Variants in ZNF282 observed in about 807,000 individuals in gnomAD.
The protein encoded by ZNF282 is zinc finger protein 282, also known as HTLV-I U5 repressive element-binding protein 1.
A neutral mutation model predicts 61.9 loss-of-function variants in ZNF282; 30 were observed. That is an observed-to-expected ratio of 0.48 (90% CI 0.36 to 0.66). The LOEUF is 0.66. Ranked by LOEUF, ZNF282 falls within the 30% of genes least tolerant of loss-of-function variation. ZNF282 has a pLI of 0.00. For missense variants in ZNF282, 788 were observed against 941.4 expected (o/e 0.84, Z 2.13); for synonymous variants, 396 against 405.0 (o/e 0.98, Z 0.27).
intron 4 of ZNF282, among the ~76,000 whole-genome samples, chr7:149,210,031 C>G (rs1336909408): frequency 6.6e-6 from 1 of 152,218 alleles, no homozygotes; most frequent in African/African-American, 2.4e-5. Flanking sequence ...CTGCTGACGA[C>G]AGTGAGACTG....
At chr7:149,206,270 A>G (rs1795989231) in intron 2 of ZNF282, among the ~76,000 whole-genome samples, 1 of 152,154 alleles carries the variant, frequency 6.6e-6, no homozygotes, top group Non-Finnish European at 1.5e-5. Context: ...TTTGCTGACA[A>G]AGAGGTAACT....
chr7:149,213,951 G>A (rs772089619), intron 7 of ZNF282, 137 bp downstream of exon 7: 2 of 607,350 alleles, frequency 3.3e-6, no homozygotes, highest in Non-Finnish European at 5.8e-6. Context: ...TCAAAGTTCT[G>A]CACCAAAGCA....
At position 149,195,722 on chromosome 7, in the gene ZNF282, G is replaced by A. The variant is rs765727270; in HGVS notation, c.133G>A (p.Gly45Arg). 1 of 1,543,564 alleles carries A rather than the reference G, an allele frequency of 6.5e-7. No individual in the cohort carries two copies. The highest frequency in any genetic ancestry group is 1.2e-5 in the South Asian group (1 of 84,294). ...CTGCCACCAGGAGCCGGCGCTGCGC[G>A]GGGAAATGGCCGAGGGAATGCCGCC... ...EVCHQEPALRGEMAEGMPPMQ... is the reference protein window; with the variant it reads ...EVCHQEPALRREMAEGMPPMQ... Residue 45 changes from glycine (G) to arginine (R), a missense_variant, in exon 1 of 8, where the codon GGG becomes AGG. Coordinates refer to ENST00000610704, the MANE Select transcript of ZNF282 (RefSeq NM_003575.4).
chr7:149,213,662 TG>T (rs1563179073), intron 6 of ZNF282, 38 bp from the exon 7 acceptor site: 3 of 1,534,082 alleles, frequency 2.0e-6, no homozygotes. Context: ...CGAGTAGAAC[TG>T]AACAAAATCT....
chr7:149,214,474 G>A (rs1369293180), intron 7 of ZNF282, among the ~76,000 whole-genome samples: 1 of 152,058 alleles, frequency 6.6e-6, no homozygotes, highest in African/African-American at 2.4e-5. Context: ...GAGAGGGGCC[G>A]GGAGATTGCT....
In ZNF282 at chr7:149,198,784, G is replaced by T. The variant is rs769266488; in HGVS notation, c.585+32G>T. 1 of 1,588,574 alleles carries T rather than the reference G, an allele frequency of 6.3e-7. No individual in the cohort carries two copies. The highest frequency in any genetic ancestry group is 8.6e-7 in the Non-Finnish European group (1 of 1,169,306). ...GGTGGTCCCTGGGGCAGGGATAGAGGTGAGGAACAGCACAGGTGCATAAAA... is the reference window on the plus strand; with the variant it reads ...GGTGGTCCCTGGGGCAGGGATAGAGTTGAGGAACAGCACAGGTGCATAAAA... On this transcript the variant is annotated intron_variant, in intron 2 of 7. Transcript: ENST00000610704. The surrounding 1 kb of genome is among the most constrained non-coding windows in gnomAD (Gnocchi z 4.3).
chr7:149,213,966 C>A (rs1796125172), intron 7 of ZNF282, 152 bp downstream of exon 7: 3 of 597,616 alleles, frequency 5.0e-6, no homozygotes, highest in Non-Finnish European at 8.9e-6. Flanking sequence ...AAAGCACTCC[C>A]ATTCTTTTTG....
At chr7:149,203,914 T>C (rs1378893625) in intron 2 of ZNF282, among the ~76,000 whole-genome samples, 1 of 152,236 alleles carries the variant, frequency 6.6e-6, no homozygotes, top group Non-Finnish European at 1.5e-5. Context: ...GTATAACAGA[T>C]TACCTCAAAA....
At chr7:149,219,968 T>C (rs1021950497) in intron 7 of ZNF282, among the ~76,000 whole-genome samples, 1 of 152,130 alleles carries the variant, frequency 6.6e-6, no homozygotes, top group Non-Finnish European at 1.5e-5. Context: ...AGTCTTACTA[T>C]GAAAAGGAAC....
intron 4 of ZNF282, among the ~76,000 whole-genome samples, chr7:149,209,159 A>C: frequency 6.6e-6 from 1 of 151,342 alleles, no homozygotes; most frequent in Non-Finnish European, 1.5e-5. Flanking sequence ...TCTACTAAAA[A>C]CACAAAAAAT....
At position 149,223,939 on chromosome 7, in the gene ZNF282, C is replaced by T; in HGVS notation, c.1308C>T (p.Ala436=). ...AGAGCCTGCCCCCCATCGCGGTGGC[C>T]GAGAACCCGGGCGGCCCCCCGAGCC... ...QPQSLPPIAV[A]ENPGGPPSRG... is the part of the protein sequence containing the mutation. The change falls in exon 8 of 8, where the codon GCC becomes GCT. Residue 436 remains alanine (A), a synonymous_variant. Coordinates refer to ENST00000610704, the MANE Select transcript of ZNF282 (RefSeq NM_003575.4). The T allele has an allele frequency of 7.6e-7, 1 of 1,320,720 alleles. No individual in the cohort carries two copies. Among genetic ancestry groups the T allele is most frequent in the Non-Finnish European group, 9.6e-7 (1 of 1,038,152 alleles). The allele number at this position is 1,320,720 out of a possible 1,614,324, so 81.8% of individuals were successfully genotyped here.
At chr7:149,206,632 G>A (rs1407382777) in intron 2 of ZNF282, 64 bp from the exon 3 acceptor site, 1 of 1,607,464 alleles carries the variant, frequency 6.2e-7, no homozygotes, top group Non-Finnish European at 8.5e-7. Context: ...GTGGCCCGCA[G>A]GAGAAGGGGA....
intron 4 of ZNF282, among the ~76,000 whole-genome samples, chr7:149,209,214 C>T (rs1201830339): frequency 5.3e-5 from 8 of 151,024 alleles, no homozygotes; most frequent in South Asian, 2.1e-4. Flanking sequence ...CCCAGCTACT[C>T]GGGAGGCTGA....
intron 7 of ZNF282, among the ~76,000 whole-genome samples, chr7:149,218,816 A>G (rs1796196442): frequency 1.3e-5 from 2 of 152,300 alleles, no homozygotes; most frequent in African/African-American, 2.4e-5. Flanking sequence ...AAAGTGCTAT[A>G]TATATCATTA....
rs1160878951 is a variant in ZNF282 at position 149,224,642 on chromosome 7, G to A, written c.2011G>A (p.Asp671Asn). 2 of 1,515,684 alleles carry A rather than the reference G, an allele frequency of 1.3e-6. No individual in the cohort carries two copies. Among genetic ancestry groups the A allele is most frequent in the Non-Finnish European group, 1.8e-6 (2 of 1,135,282 alleles). The allele number at this position is 1,515,684 out of a possible 1,614,324, so 93.9% of individuals were successfully genotyped here. A position where few individuals can be genotyped will look rare whatever the true frequency, so the allele number is the denominator to read the frequency against. The change falls in exon 8 of 8, where the codon GAC (aspartate) becomes AAC (asparagine). Residue 671 changes from aspartate to asparagine, a missense_variant. By Grantham distance (23) the Asp-to-Asn change is conservative. Around this residue, in one of 3 missense-constraint regions of ZNF282, gnomAD observed 559 missense variants for 642.0 expected, o/e 0.87. Transcript: ENST00000610704. ...GCAGCTCCCGCCGCCTCCTGAGCGA[G>A]ACTAGGGCTGGGCTGGGGGAGGGCA... ...PRQLPPPPER[D>N]
intron 7 of ZNF282, among the ~76,000 whole-genome samples, chr7:149,216,371 A>G (rs1796161230): frequency 6.6e-6 from 1 of 152,208 alleles, no homozygotes; most frequent in Non-Finnish European, 1.5e-5. Context: ...AAGCTCTGGG[A>G]TTACAGGCAG....
chr7:149,209,302 A>C, intron 4 of ZNF282, among the ~76,000 whole-genome samples: 1 of 150,864 alleles, frequency 6.6e-6, no homozygotes, highest in Non-Finnish European at 1.5e-5. Flanking sequence ...AGCCTGGGAG[A>C]CAGATTCCGT....
At chr7:149,203,483 A>T (rs368866867) in intron 2 of ZNF282, among the ~76,000 whole-genome samples, 1 of 152,140 alleles carries the variant, frequency 6.6e-6, no homozygotes, top group African/African-American at 2.4e-5. Flanking sequence ...ATTAATTAGG[A>T]CTATAGGCAC....
rs778211370 is a variant in ZNF282, at chr7:149,198,745, C to T, written c.578C>T (p.Ala193Val). Residue 193 changes from alanine (A) to valine (V), a missense_variant, in exon 2 of 8, where the codon GCC becomes GTC. Transcript: ENST00000610704. This position sits in a 1 kb window ranked among gnomAD's most constrained non-coding sequence, Gnocchi z 4.3. ...LRLPPGSKGE[A>V]PKVPVTFVDI... ...CTGCCCCCGGGCAGCAAGGGGGAGG[C>T]CCCCAAGGTATGTGGTGGTCCCTGG... 1.1e-5 allele frequency: 17 copies of T among 1,612,858 alleles called. No individual in the cohort carries two copies. The highest frequency in any genetic ancestry group is 1.3e-5 in the Non-Finnish European group (15 of 1,179,494).
Sources: gnomAD v4.1 joint callset for allele counts (sites outside exome capture counted in the v4.1 genomes callset) on GRCh38, gnomAD v4.1.1 for gene constraint, gnomAD v4.1.1 regional missense constraint, Gnocchi (gnomAD v3.1) non-coding constraint, MANE v1.5 for transcripts, NCBI Gene and HGNC (gene_info 2026-07-23, HGNC 2026-07-21) for gene names.